Variants in ZNF678 observed in about 807,000 individuals in gnomAD.
The protein encoded by ZNF678 is zinc finger protein 678.
Under a neutral mutation model 3.0 loss-of-function variants are expected in ZNF678, and 5 were observed. The observed-to-expected ratio is 1.69, with a 90% CI of 0.88 to 3.56. The LOEUF (loss-of-function observed/expected upper bound fraction) is 3.56, where lower values mean the gene tolerates loss of function less well. Among genes scored for constraint, ZNF678 ranks in the 30% most tolerant of loss-of-function variants. ZNF678 has a pLI of 0.00. For synonymous variants in ZNF678, 218 were observed against 199.6 expected, an observed-to-expected ratio of 1.09 and a Z score of -0.78; for missense variants, 593 against 605.0, an observed-to-expected ratio of 0.98 and a Z score of 0.21.
intron 1 of ZNF678, among the ~76,000 whole-genome samples, chr1:227,618,034 C>T (rs1658184096): frequency 6.6e-6 from 1 of 152,200 alleles, no homozygotes; most frequent in Non-Finnish European, 1.5e-5. Context: ...ATAGCCACCC[C>T]TGAGTGTCCA....
At chr1:227,614,043 A>G (rs757388522) in intron 1 of ZNF678, among the ~76,000 whole-genome samples, 2 of 152,092 alleles carry the variant, frequency 1.3e-5, no homozygotes, top group African/African-American at 4.8e-5. Flanking sequence ...ATTGAGACTT[A>G]TGGTCTCTAT....
intron 1 of ZNF678, chr1:227,598,849 A>G (rs1157052148): frequency 1.6e-6 from 1 of 614,218 alleles, no homozygotes; most frequent in Non-Finnish European, 3.1e-6. Flanking sequence ...GAAGAAGAAG[A>G]TGAATACCTA....
chr1:227,596,715 ATAAT>A (rs1657599084), intron 1 of ZNF678, among the ~76,000 whole-genome samples: 1 of 149,546 alleles, frequency 6.7e-6, no homozygotes, highest in Admixed American at 6.6e-5. Context: ...AAATAAATTA[ATAAT>A]TCATTTTCAT....
Position 227,657,636 on chromosome 1 carries a change from A to T in ZNF678, c.*1808A>T, listed in dbSNP as rs1659284598. On this transcript the variant is annotated 3_prime_UTR_variant, in exon 4 of 4. Coordinates refer to ENST00000343776, the MANE Select transcript of ZNF678 (RefSeq NM_001367909.1). ...CTGGCCTGTAAAAACACATACATAC[A>T]TTTAGTTTTGATTAACATGGAGTTA... 6.6e-6 allele frequency: 1 copy of T among 151,938 alleles called. No homozygotes were observed. Among genetic ancestry groups the T allele is most frequent in the South Asian group, 2.1e-4 (1 of 4,832 alleles). 9.4% of individuals were successfully genotyped at this position (151,938 alleles called of 1,614,324 possible).
At chr1:227,669,955 G>A (rs1278232561) in intron 5 of ZNF678, among the ~76,000 whole-genome samples, 1 of 152,122 alleles carries the variant, frequency 6.6e-6, no homozygotes, top group African/African-American at 2.4e-5. Flanking sequence ...CAATCTAGGT[G>A]CCCGACAATG....
chr1:227,626,971 A>G (rs1162673898), intron 1 of ZNF678, among the ~76,000 whole-genome samples: 1 of 150,882 alleles, frequency 6.6e-6, no homozygotes, highest in East Asian at 1.9e-4. Flanking sequence ...AACCAGTGAA[A>G]GTATCTACCC....
chr1:227,634,486 AAC>A (rs1381602614), intron 1 of ZNF678, among the ~76,000 whole-genome samples: 1 of 152,184 alleles, frequency 6.6e-6, no homozygotes, highest in Non-Finnish European at 1.5e-5. Context: ...GGAAAAGGGA[AAC>A]ACACTGCCCT....
intron 1 of ZNF678, among the ~76,000 whole-genome samples, chr1:227,600,761 T>C (rs1005940144): frequency 3.9e-5 from 6 of 152,252 alleles, no homozygotes; most frequent in Admixed American, 3.9e-4. Context: ...GTAGTATCTT[T>C]TGCTGTACAG....
intron 1 of ZNF678, among the ~76,000 whole-genome samples, chr1:227,594,681 G>T (rs572197720): frequency 6.6e-6 from 1 of 152,266 alleles, no homozygotes; most frequent in African/African-American, 2.4e-5. Context: ...TGCACATAAA[G>T]TGTTTTTCTA....
Position 227,563,557 on chromosome 1 carries a change from T to G in ZNF678, c.-331T>G. On this transcript the variant is annotated 5_prime_UTR_variant, in exon 1 of 4. Transcript: ENST00000343776. The stretch of plus-strand genomic sequence containing the variant: ...GGGGTTTCCGGGATCTGGCGGGGCC[T>G]TTGTCTTGTGCTCCAGCTGGAGCTT... 1 of 672,782 alleles carries G rather than the reference T, an allele frequency of 1.5e-6. No homozygotes were observed. The highest frequency in any genetic ancestry group is 2.4e-5 in the Admixed American group (1 of 42,304). The allele number at this position is 672,782 out of a possible 1,614,324, so 41.7% of individuals were successfully genotyped here.
Position 227,662,116 on chromosome 1 carries a change from C to G in ZNF678, c.*6288C>G, listed in dbSNP as rs1484152897. On this transcript the variant is annotated 3_prime_UTR_variant, in exon 4 of 4. Coordinates refer to ENST00000343776, the MANE Select transcript of ZNF678 (RefSeq NM_001367909.1). Reference sequence around the variant, plus strand: ...TGGATGTGGAGGTTGGGGATTGATTCAAACATTAATACTTTCAAGCGTTTC... The same window carrying G: ...TGGATGTGGAGGTTGGGGATTGATTGAAACATTAATACTTTCAAGCGTTTC... 2 of 152,146 alleles carry G rather than the reference C, an allele frequency of 1.3e-5. No homozygotes were observed. Among genetic ancestry groups the G allele is most frequent in the East Asian group, 1.9e-4 (1 of 5,194 alleles). 9.4% of individuals were successfully genotyped at this position (152,146 alleles called of 1,614,324 possible). A position where few individuals can be genotyped will look rare whatever the true frequency, so the allele number is the denominator to read the frequency against.
chr1:227,577,664 A>G lies in ZNF678; in HGVS notation c.-164+13940A>G, dbSNP rs568275077. On this transcript the variant is annotated intron_variant, in intron 1 of 3. Transcript: ENST00000343776. ...GAGATGGGTCTCTTGAAGACAGCAT[A>G]CCAGTGGGTCTTGGTTCTTTATCTA... Among the ~76,000 whole-genome samples, 21 of 152,284 alleles carry G rather than the reference A, an allele frequency of 1.4e-4. No individual in the cohort carries two copies. In the East Asian group the frequency reaches 4.1e-3, roughly 29 times the overall value.
chr1:227,603,455 C>T (rs1249373832), intron 1 of ZNF678, among the ~76,000 whole-genome samples: 1 of 152,178 alleles, frequency 6.6e-6, no homozygotes, highest in Non-Finnish European at 1.5e-5. Context: ...TTGCCACCAG[C>T]ACAGAGGAGG....
In ZNF678 at chr1:227,651,011, G is replaced by A. The variant is rs945026545; in HGVS notation, c.20G>A (p.Cys7Tyr). 6.2e-7 allele frequency: 1 copy of A among 1,613,094 alleles called. No individual in the cohort carries two copies. Among genetic ancestry groups the A allele is most frequent in the Non-Finnish European group, 8.5e-7 (1 of 1,179,698 alleles). Residue 7 changes from cysteine to tyrosine, a missense_variant, in exon 3 of 4, where the codon TGC becomes TAC. By Grantham distance (194) the Cys-to-Tyr change is radical (BLOSUM62 -2). Coordinates refer to ENST00000343776, the MANE Select transcript of ZNF678 (RefSeq NM_001367909.1). ...TTGATAATGGGCACAATATCACTTT[G>A]CATTGGTGTCTGTGCATTTGAAGGA... is the stretch of plus-strand genomic sequence containing the variant. Reference protein sequence around the residue: MGTISLCIGVCAFEGAN... With the variant: MGTISLYIGVCAFEGAN...
At chr1:227,623,210 A>G (rs1486623685) in intron 1 of ZNF678, among the ~76,000 whole-genome samples, 1 of 152,272 alleles carries the variant, frequency 6.6e-6, no homozygotes, top group African/African-American at 2.4e-5. Flanking sequence ...TACCAAGCAT[A>G]GTGATGCCCT....
intron 1 of ZNF678, among the ~76,000 whole-genome samples, chr1:227,580,144 A>G (rs1452704868): frequency 6.6e-6 from 1 of 152,126 alleles, no homozygotes; most frequent in Non-Finnish European, 1.5e-5. Flanking sequence ...GTCCCGGTGT[A>G]CAGTAGCCCC....
intron 1 of ZNF678, among the ~76,000 whole-genome samples, chr1:227,619,221 A>G (rs1370408162): frequency 6.6e-6 from 1 of 152,172 alleles, no homozygotes. Flanking sequence ...CTCTTGCCCT[A>G]CACATCTCTT....
intron 2 of ZNF678, among the ~76,000 whole-genome samples, chr1:227,648,754 A>C (rs927144982): frequency 1.3e-5 from 2 of 152,128 alleles, no homozygotes; most frequent in Non-Finnish European, 2.9e-5. Flanking sequence ...TGGGAAGTGG[A>C]GGCTGCAGCA....
downstream of ZNF678, among the ~76,000 whole-genome samples, chr1:227,665,344 C>T (rs1048345990): frequency 3.9e-5 from 6 of 152,184 alleles, no homozygotes; most frequent in African/African-American, 1.2e-4. Flanking sequence ...TAAAATCAGA[C>T]GCTTGTGCTG....
Sources: gnomAD v4.1 joint callset for allele counts (sites outside exome capture counted in the v4.1 genomes callset) on GRCh38, gnomAD v4.1.1 for gene constraint, MANE v1.5 for transcripts, NCBI Gene and HGNC (gene_info 2026-07-23, HGNC 2026-07-21) for gene names.